Variants in ACSL1 observed in about 807,000 individuals in gnomAD.
ACSL1 encodes the protein acyl-CoA synthetase long chain family member 1.
In ACSL1, 41 loss-of-function variants were observed where a neutral mutation model predicts 98.4. The ratio of observed to expected loss-of-function variants is 0.42; its 90% CI spans 0.32 to 0.54. The LOEUF (loss-of-function observed/expected upper bound fraction) is 0.54, where lower values mean the gene tolerates loss of function less well. ACSL1 is among the 20% of genes least tolerant of loss of function. ACSL1 has a pLI of 0.13. For missense variants in ACSL1, 734 were observed against 883.1 expected, an observed-to-expected ratio of 0.83 and a Z score of 2.14; for synonymous variants, 316 against 322.7, an observed-to-expected ratio of 0.98 and a Z score of 0.22.
At chr4:184,808,633 G>A (rs1771725497) in intron 1 of ACSL1, 1 of 371,056 alleles carries the variant, frequency 2.7e-6, no homozygotes, top group Non-Finnish European at 3.7e-6. Flanking sequence ...TCAGGCTTCA[G>A]GGAGGAACAA....
chr4:184,778,313 C>T (rs1453091380), intron 5 of ACSL1, among the ~76,000 whole-genome samples: 1 of 152,224 alleles, frequency 6.6e-6, no homozygotes, highest in Admixed American at 6.5e-5. Context: ...ATCCACTTGG[C>T]CTGGAACTAG....
At chr4:184,817,032 A>T (rs1461380324) in intron 1 of ACSL1, among the ~76,000 whole-genome samples, 2 of 152,168 alleles carry the variant, frequency 1.3e-5, no homozygotes, top group South Asian at 2.1e-4. Flanking sequence ...CAAAAGAGAA[A>T]AAAATAAAAC....
In ACSL1 at chr4:184,776,476, G is replaced by A. The variant is rs1765307796; in HGVS notation, c.756+8C>T. On this transcript the variant is annotated splice_region_variant and intron_variant, in intron 7 of 20. Coordinates refer to ENST00000281455, the MANE Select transcript of ACSL1 (RefSeq NM_001995.5). ...CCTTCAGAGAAGGGAAGGAGGCAGGGCACTCACCTCCATCGCCTTCATGCT... is the reference window on the plus strand; with the variant it reads ...CCTTCAGAGAAGGGAAGGAGGCAGGACACTCACCTCCATCGCCTTCATGCT... 2 of 1,609,234 alleles carry A rather than the reference G, an allele frequency of 1.2e-6. No homozygotes were observed. Among genetic ancestry groups the A allele is most frequent in the Admixed American group, 1.7e-5 (1 of 59,366 alleles).
At chr4:184,758,925 G>T (rs368756896) in intron 18 of ACSL1, 1 of 100,330 alleles carries the variant, frequency 1.0e-5, no homozygotes, top group South Asian at 3.5e-4. Context: ...ACAGGCCCTC[G>T]TGTGTGATGT....
intron 18 of ACSL1, among the ~76,000 whole-genome samples, chr4:184,759,125 C>T (rs1006783007): frequency 2.6e-5 from 4 of 152,088 alleles, no homozygotes; most frequent in African/African-American, 9.7e-5. Flanking sequence ...ATATGTGACA[C>T]ATTTTCTTAA....
rs61541962 is a variant in ACSL1, at chr4:184,814,290, CAAAAAAAAA to C, written c.-32-10753_-32-10745del. Among the ~76,000 whole-genome samples, 33 of 64,534 alleles carry C rather than the reference CAAAAAAAAA, an allele frequency of 5.1e-4. No individual in the cohort carries two copies. In the East Asian group the frequency reaches 5.9e-3, roughly 12 times the overall value. The allele number at this position is 64,534 out of a possible 152,430, so 42.3% of individuals were successfully genotyped here. The stretch of plus-strand genomic sequence containing the variant: ...TGGGCGACAGAGCGAGACTCCGCCT[CAAAAAAAAA>C]AAAAAAAAAAAAAAGGAGAGTGGGA... On this transcript the variant is annotated intron_variant, in intron 1 of 20. Transcript: ENST00000281455.
intron 2 of ACSL1, chr4:184,798,187 C>G (rs1419190864): frequency 6.6e-6 from 1 of 152,186 alleles, no homozygotes; most frequent in Non-Finnish European, 1.5e-5. Context: ...ACAATCTAAA[C>G]AGTGAATCTG....
Position 184,773,207 on chromosome 4 carries a change from A to T in ACSL1, c.842-53T>A. The T allele has an allele frequency of 4.6e-6, 7 of 1,529,154 alleles. No homozygotes were observed. In the South Asian group the frequency reaches 6.8e-5, roughly 15 times the overall value. The allele number at this position is 1,529,154 out of a possible 1,614,324, so 94.7% of individuals were successfully genotyped here. On this transcript the variant is annotated intron_variant, in intron 9 of 20. Transcript: ENST00000281455. This position sits in a 1 kb window ranked among gnomAD's most constrained non-coding sequence, Gnocchi z 4.3. ...AGTTAAAGAATGACAGAAATGAAGG[A>T]GGCCCAGAAACCTCACATAATTAGG...
At position 184,756,385 on chromosome 4, in the gene ACSL1, C is replaced by T. The variant is rs930962772; in HGVS notation, c.*740G>A. The T allele has an allele frequency of 6.6e-6, 1 of 152,584 alleles. No homozygotes were observed. The highest frequency in any genetic ancestry group is 2.1e-4 in the South Asian group (1 of 4,830). The allele number at this position is 152,584 out of a possible 1,614,324, so 9.5% of individuals were successfully genotyped here. ...AAAAGGATGGAGTCGGGGAATCAGG[C>T]CTGGAGAACCGAGTCCAAGAGCATT... is the stretch of plus-strand genomic sequence containing the variant. On this transcript the variant is annotated 3_prime_UTR_variant, in exon 21 of 21. Coordinates refer to ENST00000281455, the MANE Select transcript of ACSL1 (RefSeq NM_001995.5).
chr4:184,796,037 G>A (rs1014190680), intron 2 of ACSL1, among the ~76,000 whole-genome samples: 19 of 152,212 alleles, frequency 1.2e-4, no homozygotes, highest in Non-Finnish European at 2.8e-4. Context: ...GTTGCCAAAG[G>A]AGATTAACAT....
rs1218813996 is a variant in ACSL1 at position 184,803,023 on chromosome 4, T to C, written c.195+297A>G. Among the ~76,000 whole-genome samples the C allele has an allele frequency of 6.6e-6, 1 of 152,174 alleles. No individual in the cohort carries two copies. Among genetic ancestry groups the C allele is most frequent in the Non-Finnish European group, 1.5e-5 (1 of 68,038 alleles). ...GGGTTCTGTGCTATATTTTTCCTTA[T>C]GGAATCCTCCAGGCTGACCACAGTG... On this transcript the variant is annotated intron_variant, in intron 2 of 20. Coordinates refer to ENST00000281455, the MANE Select transcript of ACSL1 (RefSeq NM_001995.5). The surrounding 1 kb of genome is among the most constrained non-coding windows in gnomAD (Gnocchi z 4.8).
chr4:184,766,913 G>A lies in ACSL1; in HGVS notation c.1129-157C>T, dbSNP rs537331676. Among the ~76,000 whole-genome samples the A allele has an allele frequency of 1.5e-3, 226 of 152,310 alleles. 2 individuals carry two copies. The highest frequency in any genetic ancestry group is 6.8e-3 in the Middle Eastern group (2 of 294). On this transcript the variant is annotated intron_variant, in intron 12 of 20. Coordinates refer to ENST00000281455, the MANE Select transcript of ACSL1 (RefSeq NM_001995.5). This position sits in a 1 kb window ranked among gnomAD's most constrained non-coding sequence, Gnocchi z 4.8. ...GTCCTCTAACGGCCCCACATGGTCA[G>A]CACAGGACAGCAATTCCACACCTCG...
intron 5 of ACSL1, among the ~76,000 whole-genome samples, chr4:184,779,452 T>C (rs965219151): frequency 4.6e-5 from 7 of 152,214 alleles, no homozygotes; most frequent in Non-Finnish European, 1.0e-4. Flanking sequence ...GGTATGTCTT[T>C]ATCAGCAGCA....
At chr4:184,822,914 C>A (rs1186567960) in intron 1 of ACSL1, among the ~76,000 whole-genome samples, 1 of 152,126 alleles carries the variant, frequency 6.6e-6, no homozygotes, top group Non-Finnish European at 1.5e-5. Context: ...ATCTTAGAGT[C>A]GCTGCCACAA....
chr4:184,773,200 A>G lies in ACSL1; in HGVS notation c.842-46T>C, dbSNP rs892565214. On this transcript the variant is annotated intron_variant, in intron 9 of 20. Transcript: ENST00000281455. This position sits in a 1 kb window ranked among gnomAD's most constrained non-coding sequence, Gnocchi z 4.3. ...AGAACAAAGTTAAAGAATGACAGAAATGAAGGAGGCCCAGAAACCTCACAT... is the reference window on the plus strand; with the variant it reads ...AGAACAAAGTTAAAGAATGACAGAAGTGAAGGAGGCCCAGAAACCTCACAT... The G allele has an allele frequency of 3.2e-6, 5 of 1,554,482 alleles. No individual in the cohort carries two copies. In the East Asian group the frequency reaches 1.1e-4, roughly 35 times the overall value.
intron 2 of ACSL1, among the ~76,000 whole-genome samples, chr4:184,794,463 T>C (rs1347699875): frequency 6.6e-6 from 1 of 152,236 alleles, no homozygotes; most frequent in African/African-American, 2.4e-5. Context: ...TACTCACTAC[T>C]GAACTAGCTG....
intron 1 of ACSL1, among the ~76,000 whole-genome samples, chr4:184,806,362 A>G (rs944676730): frequency 6.6e-6 from 1 of 152,172 alleles, no homozygotes; most frequent in African/African-American, 2.4e-5. Flanking sequence ...CCTTGCCCTC[A>G]AATCCTTCCA....
chr4:184,820,311 C>G (rs985864121), intron 1 of ACSL1, among the ~76,000 whole-genome samples: 1 of 152,206 alleles, frequency 6.6e-6, no homozygotes, highest in African/African-American at 2.4e-5. Flanking sequence ...GCCACTGCAC[C>G]CGGCCAGTCA....
rs1470339496 is a variant in ACSL1 at position 184,773,503 on chromosome 4, A to G, written c.841+160T>C. Among the ~76,000 whole-genome samples the G allele has an allele frequency of 6.6e-6, 1 of 152,192 alleles. No individual in the cohort carries two copies. The highest frequency in any genetic ancestry group is 1.5e-5 in the Non-Finnish European group (1 of 68,038). Reference sequence around the variant, plus strand: ...AATTATCCGGCACTCTTGGACTCTGAGAAGATCTTACAGAGCAACAAGAAG... The same window carrying G: ...AATTATCCGGCACTCTTGGACTCTGGGAAGATCTTACAGAGCAACAAGAAG... On this transcript the variant is annotated intron_variant, in intron 9 of 20. Transcript: ENST00000281455. This position sits in a 1 kb window ranked among gnomAD's most constrained non-coding sequence, Gnocchi z 4.3.
Sources: gnomAD v4.1 joint callset for allele counts (sites outside exome capture counted in the v4.1 genomes callset) on GRCh38, gnomAD v4.1.1 for gene constraint, Gnocchi (gnomAD v3.1) non-coding constraint, MANE v1.5 for transcripts, NCBI Gene and HGNC (gene_info 2026-07-23, HGNC 2026-07-21) for gene names.